PIGF: variants seen among roughly 807,000 people sequenced by gnomAD.
The protein encoded by PIGF is GPI ethanolamine phosphate transferase, stabilizing subunit.
A neutral mutation model predicts 26.0 loss-of-function variants in PIGF; 23 were observed. That is an observed-to-expected ratio of 0.88 (90% CI 0.64 to 1.25). The LOEUF is 1.25. Ranked by LOEUF, PIGF falls within the 50% of genes most tolerant of loss-of-function variation. The probability of loss-of-function intolerance (pLI) is 0.00; values close to 1 mark genes in which losing one functional copy is unlikely to be tolerated. For synonymous variants in PIGF, 93 were observed against 92.6 expected (o/e 1.00, Z -0.03); for missense variants, 278 against 249.9 (o/e 1.11, Z -0.76).
At chr2:46,614,865 G>A (rs1020512307) in intron 2 of PIGF, 72 bp downstream of exon 2, 22 of 707,136 alleles carry the variant, frequency 3.1e-5, no homozygotes, top group Non-Finnish European at 4.9e-5. Context: ...AAGACTTGAT[G>A]AATACTTTAT....
chr2:46,606,528 A>G (rs1185707417), intron 4 of PIGF, among the ~76,000 whole-genome samples: 1 of 152,182 alleles, frequency 6.6e-6, no homozygotes, highest in Non-Finnish European at 1.5e-5. Flanking sequence ...TATTTAGGTA[A>G]TTTTCAATGC....
At position 46,611,421 on chromosome 2, in the gene PIGF, T is replaced by C. The variant is rs570732421; in HGVS notation, c.437+807A>G. ...ATCACTTGAACCTGGGAGATGGAGG[T>C]TGCAGTGAGCCGAAATCATGCCACT... On this transcript the variant is annotated intron_variant, in intron 4 of 5. Transcript: ENST00000281382. Among the ~76,000 whole-genome samples the C allele has an allele frequency of 4.0e-5, 6 of 151,570 alleles. No homozygotes were observed. In the South Asian group the frequency reaches 8.3e-4, roughly 21 times the overall value.
At chr2:46,599,331 G>A (rs1669986611) in intron 4 of PIGF, among the ~76,000 whole-genome samples, 2 of 152,090 alleles carry the variant, frequency 1.3e-5, no homozygotes, top group Admixed American at 6.5e-5. Context: ...TCCCTTTGAT[G>A]TACAAACTGG....
intron 4 of PIGF, among the ~76,000 whole-genome samples, chr2:46,609,625 A>T (rs1023536401): frequency 2.0e-5 from 3 of 151,356 alleles, no homozygotes; most frequent in Non-Finnish European, 4.4e-5. Context: ...TTGAACACTT[A>T]AGAGACCATA....
At chr2:46,614,668 T>A in intron 2 of PIGF, 1 of 257,196 alleles carries the variant, frequency 3.9e-6, no homozygotes, top group Non-Finnish European at 7.5e-6. Context: ...TTATTTTCAA[T>A]GGTGACATAA....
intron 4 of PIGF, among the ~76,000 whole-genome samples, chr2:46,605,701 G>A (rs887902388): frequency 6.6e-6 from 1 of 152,008 alleles, no homozygotes; most frequent in Non-Finnish European, 1.5e-5. Flanking sequence ...CTCAATTACT[G>A]GAGTCGTCTA....
At chr2:46,596,925 T>A (rs1395779860) in intron 4 of PIGF, among the ~76,000 whole-genome samples, 1 of 152,234 alleles carries the variant, frequency 6.6e-6, no homozygotes, top group African/African-American at 2.4e-5. Flanking sequence ...TCTTTTCTCA[T>A]AGTAAATATA....
intron 4 of PIGF, 80 bp from the exon 5 acceptor site, chr2:46,592,663 T>G (rs1669757806): frequency 1.4e-6 from 1 of 733,712 alleles, no homozygotes; most frequent in Non-Finnish European, 2.5e-6. Flanking sequence ...GCACACATTA[T>G]CAGTATACAT....
chr2:46,591,670 G>A (rs1669725619), intron 5 of PIGF: 7 of 1,014,184 alleles, frequency 6.9e-6, no homozygotes, highest in African/African-American at 1.7e-5. Context: ...AGTATATAAT[G>A]GCATACTACA....
chr2:46,612,650 C>G (rs938116588), intron 3 of PIGF, among the ~76,000 whole-genome samples: 10 of 139,906 alleles, frequency 7.1e-5, no homozygotes, highest in African/African-American at 2.5e-4. Flanking sequence ...AGTTAGCTTT[C>G]TGCTCAATAG....
chr2:46,615,058 A>G lies in PIGF; in HGVS notation c.107T>C (p.Ile36Thr). ...CAACCATGTCAAGTGTGTTTCCAAT[A>G]TTGAGAAGTTCTCCAAGAAGAGTGA... Reference protein sequence around the residue: ...IPSLFLENFSILETHLTWLCI... With the variant: ...IPSLFLENFSTLETHLTWLCI... Residue 36 changes from isoleucine to threonine, a missense_variant, in exon 2 of 6, where the codon ATA becomes ACA. Ile to Thr is a moderately conservative substitution (Grantham distance 89, BLOSUM62 -1). Coordinates refer to ENST00000281382, the MANE Select transcript of PIGF (RefSeq NM_002643.4). 1 of 1,599,304 alleles carries G rather than the reference A, an allele frequency of 6.3e-7. No individual in the cohort carries two copies. The highest frequency in any genetic ancestry group is 2.2e-5 in the East Asian group (1 of 44,750).
At position 46,588,020 on chromosome 2, in the gene PIGF, C is replaced by T. The variant is rs1669629238; in HGVS notation, c.546+4455G>A. On this transcript the variant is annotated intron_variant, in intron 5 of 5. Transcript: ENST00000281382. The surrounding 1 kb of genome is among the most constrained non-coding windows in gnomAD (Gnocchi z 4.1). ...TGAGTAATGCTAAGCAAGATGTGTA[C>T]TCCTCCCCTCTCACACTTGGACTTT... 2 of 1,441,088 alleles carry T rather than the reference C, an allele frequency of 1.4e-6. No individual in the cohort carries two copies. Among genetic ancestry groups the T allele is most frequent in the South Asian group, 1.4e-5 (1 of 69,526 alleles). 89.3% of individuals were successfully genotyped at this position (1,441,088 alleles called of 1,614,324 possible). A position where few individuals can be genotyped will look rare whatever the true frequency, so the allele number is the denominator to read the frequency against.
At chr2:46,586,568 G>C (rs1466161559) in intron 5 of PIGF, among the ~76,000 whole-genome samples, 1 of 152,084 alleles carries the variant, frequency 6.6e-6, no homozygotes, top group Non-Finnish European at 1.5e-5. Flanking sequence ...TAGGATTACT[G>C]TCTCTCTCGA....
Position 46,581,543 on chromosome 2 carries a change from C to T in PIGF, c.595G>A (p.Gly199Ser), listed in dbSNP as rs764673920. 4.3e-6 allele frequency: 7 copies of T among 1,611,594 alleles called. No homozygotes were observed. The South Asian group carries it at 7.7e-5, about 18-fold the overall frequency. ...TLGATFGYVA[G>S]LVISPLWIYW... The stretch of plus-strand genomic sequence containing the variant: ...ATCCAGAGTGGTGAAATAACAAGGC[C>T]AGCCACGTAGCCAAAGGTCGCTCCA... The change falls in exon 6 of 6, where the codon GGC (glycine) becomes AGC (serine). Residue 199 changes from glycine (G) to serine (S), a missense_variant. Gly to Ser is a moderately conservative substitution (Grantham distance 56). Transcript: ENST00000281382.
rs1669629286 is a variant in PIGF at position 46,588,023 on chromosome 2, C to T, written c.546+4452G>A. 4 of 1,456,734 alleles carry T rather than the reference C, an allele frequency of 2.7e-6. No homozygotes were observed. Among genetic ancestry groups the T allele is most frequent in the Admixed American group, 2.6e-5 (1 of 38,988 alleles). 90.2% of individuals were successfully genotyped at this position (1,456,734 alleles called of 1,614,324 possible). A position where few individuals can be genotyped will look rare whatever the true frequency, so the allele number is the denominator to read the frequency against. ...GTAATGCTAAGCAAGATGTGTACTC[C>T]TCCCCTCTCACACTTGGACTTTCTA... On this transcript the variant is annotated intron_variant, in intron 5 of 5. Coordinates refer to ENST00000281382, the MANE Select transcript of PIGF (RefSeq NM_002643.4). The surrounding 1 kb of genome is among the most constrained non-coding windows in gnomAD (Gnocchi z 4.1).
At position 46,592,471 on chromosome 2, in the gene PIGF, C is replaced by T. The variant is rs188028811; in HGVS notation, c.546+4G>A. 1.3e-4 allele frequency: 197 copies of T among 1,520,834 alleles called. No homozygotes were observed. The African/African-American group carries it at 2.6e-3, about 20-fold the overall frequency. The allele number at this position is 1,520,834 out of a possible 1,614,324, so 94.2% of individuals were successfully genotyped here. A position where few individuals can be genotyped will look rare whatever the true frequency, so the allele number is the denominator to read the frequency against. On this transcript the variant is annotated splice_donor_region_variant and intron_variant, in intron 5 of 5. Transcript: ENST00000281382. ...TTTTGTTGCTTTAAGTAACTGAAAC[C>T]AACCTGCCATGGTCTTTCCCAATCC... is the stretch of plus-strand genomic sequence containing the variant.
intron 4 of PIGF, among the ~76,000 whole-genome samples, chr2:46,598,060 T>C (rs1463973885): frequency 2.0e-5 from 3 of 152,186 alleles, no homozygotes; most frequent in South Asian, 2.1e-4. Context: ...TTTCTGCTTT[T>C]ATCTTTTAAT....
intron 4 of PIGF, among the ~76,000 whole-genome samples, chr2:46,609,240 C>T (rs1670324034): frequency 6.6e-6 from 1 of 152,232 alleles, no homozygotes; most frequent in Non-Finnish European, 1.5e-5. Context: ...CATGAATCAA[C>T]CACTGCTAGT....
intron 4 of PIGF, among the ~76,000 whole-genome samples, chr2:46,601,445 T>C (rs992187266): frequency 1.2e-4 from 18 of 152,138 alleles, no homozygotes; most frequent in Non-Finnish European, 2.4e-4. Context: ...GGGTAGTTCA[T>C]AGTAAACACT....
Sources: gnomAD v4.1 joint callset for allele counts (sites outside exome capture counted in the v4.1 genomes callset) on GRCh38, gnomAD v4.1.1 for gene constraint, Gnocchi (gnomAD v3.1) non-coding constraint, MANE v1.5 for transcripts, NCBI Gene and HGNC (gene_info 2026-07-23, HGNC 2026-07-21) for gene names.